Variants in GLTP observed in about 807,000 individuals in gnomAD.
The protein encoded by GLTP is glycolipid transfer protein.
A neutral mutation model predicts 24.0 loss-of-function variants in GLTP; 22 were observed. The observed-to-expected ratio is 0.92, with a 90% CI of 0.65 to 1.31. GLTP has a LOEUF of 1.31. Among genes scored for constraint, GLTP ranks in the 50% most tolerant of loss-of-function variants. The pLI, the probability that GLTP is intolerant of heterozygous loss-of-function variation, is 0.00. For missense variants in GLTP, 224 were observed against 276.6 expected (o/e 0.81, Z 1.35); for synonymous variants, 92 against 115.9 (o/e 0.79, Z 1.33).
intron 1 of GLTP, among the ~76,000 whole-genome samples, chr12:109,876,208 A>G (rs1868873961): frequency 6.6e-6 from 1 of 151,964 alleles, no homozygotes; most frequent in Non-Finnish European, 1.5e-5. Context: ...CTGGGCATAG[A>G]GTCATGTGCC....
chr12:109,854,993 C>G (rs1354750956), intron 4 of GLTP, among the ~76,000 whole-genome samples: 1 of 152,198 alleles, frequency 6.6e-6, no homozygotes, highest in Non-Finnish European at 1.5e-5. Flanking sequence ...ACAGGCCGGG[C>G]AGGAACACGT....
At chr12:109,871,170 G>A (rs1055048836) in intron 1 of GLTP, among the ~76,000 whole-genome samples, 7 of 139,264 alleles carry the variant, frequency 5.0e-5, no homozygotes, top group African/African-American at 1.1e-4. Context: ...TGTAACCTCC[G>A]CCTCCTGGGT....
At chr12:109,869,055 T>C (rs776389626) in intron 1 of GLTP, among the ~76,000 whole-genome samples, 1 of 152,144 alleles carries the variant, frequency 6.6e-6, no homozygotes, top group Non-Finnish European at 1.5e-5. Context: ...ATCCCAGCAC[T>C]TTGGGAGGCC....
intron 1 of GLTP, among the ~76,000 whole-genome samples, chr12:109,876,347 A>G (rs968636100): frequency 7.9e-5 from 12 of 152,082 alleles, no homozygotes; most frequent in Non-Finnish European, 1.2e-4. Flanking sequence ...CCATCTCTAC[A>G]AAAACAAAAA....
At chr12:109,869,309 AAAAAAAAAAAAG>A (rs1157243149) in intron 1 of GLTP, among the ~76,000 whole-genome samples, 1 of 147,786 alleles carries the variant, frequency 6.8e-6, no homozygotes, top group Non-Finnish European at 1.5e-5. Flanking sequence ...ACCTCAAAAA[AAAAAAAAAAAAG>A]AAAGAAAGAA....
rs34365376 is a variant in GLTP at position 109,851,850 on chromosome 12, CTTT to C, written c.*702_*704del. On this transcript the variant is annotated 3_prime_UTR_variant, in exon 5 of 5. Coordinates refer to ENST00000318348, the MANE Select transcript of GLTP (RefSeq NM_016433.4). ...CTGACCTCAAGTAATCCACCCACCT[CTTT>C]TTTTTTTTTTTGAGACAGAGTTTCG... 7.4e-5 allele frequency: 10 copies of C among 134,908 alleles called. No individual in the cohort carries two copies. The highest frequency in any genetic ancestry group is 9.5e-5 in the Non-Finnish European group (6 of 63,482). The allele number at this position is 134,908 out of a possible 1,614,324, so 8.4% of individuals were successfully genotyped here.
rs1892813909 is a variant in GLTP, at chr12:109,857,469, G to C, written c.296+57C>G. On this transcript the variant is annotated intron_variant, in intron 3 of 4. Transcript: ENST00000318348. The surrounding 1 kb of genome is among the most constrained non-coding windows in gnomAD (Gnocchi z 4.3). ...AGCTGACACTGCGGAACAGTGACAG[G>C]TTTGCTTTCCCTCCTCTGCAGCACA... The C allele has an allele frequency of 4.4e-6, 7 of 1,590,546 alleles. No homozygotes were observed. Among genetic ancestry groups the C allele is most frequent in the Non-Finnish European group, 6.0e-6 (7 of 1,163,670 alleles).
In GLTP at chr12:109,852,389, A is replaced by AAT; in HGVS notation, c.*165_*166insAT. On this transcript the variant is annotated 3_prime_UTR_variant, in exon 5 of 5. Coordinates refer to ENST00000318348, the MANE Select transcript of GLTP (RefSeq NM_016433.4). ...AGAATAGACCAAAAAAAAAAAAAAA[A>AAT]AAGACTTAAAAAACGAGGGCTGTCC... 2.9e-5 allele frequency: 16 copies of AAT among 549,108 alleles called. No individual in the cohort carries two copies. Among genetic ancestry groups the AAT allele is most frequent in the Middle Eastern group, 5.1e-4 (1 of 1,968 alleles). 34.0% of individuals were successfully genotyped at this position (549,108 alleles called of 1,614,324 possible). A position where few individuals can be genotyped will look rare whatever the true frequency, so the allele number is the denominator to read the frequency against.
At position 109,855,284 on chromosome 12, in the gene GLTP, A is replaced by G. The variant is rs1892779820; in HGVS notation, c.447+335T>C. 6.6e-6 allele frequency among the ~76,000 whole-genome samples: 1 copy of G among 152,194 alleles called. No individual in the cohort carries two copies. Among genetic ancestry groups the G allele is most frequent in the African/African-American group, 2.4e-5 (1 of 41,450 alleles). Reference sequence around the variant, plus strand: ...ATTGGAGGGGTAAATTTGAGGGGCCATCAGGCTGGGCCACTTTTGACCTGG... The same window carrying G: ...ATTGGAGGGGTAAATTTGAGGGGCCGTCAGGCTGGGCCACTTTTGACCTGG... On this transcript the variant is annotated intron_variant, in intron 4 of 4. Transcript: ENST00000318348. This position sits in a 1 kb window ranked among gnomAD's most constrained non-coding sequence, Gnocchi z 4.1.
chr12:109,880,133 A>C lies in GLTP; in HGVS notation c.103+139T>G, dbSNP rs1869024126. On this transcript the variant is annotated intron_variant, in intron 1 of 4. Transcript: ENST00000318348. The surrounding 1 kb of genome is among the most constrained non-coding windows in gnomAD (Gnocchi z 5.1). ...GAAAGGGAGAATTTAGGGTGAGTGGAGGGAAAGAGGATCTTGGGTGCCTGG... is the reference window on the plus strand; with the variant it reads ...GAAAGGGAGAATTTAGGGTGAGTGGCGGGAAAGAGGATCTTGGGTGCCTGG... 1 of 573,920 alleles carries C rather than the reference A, an allele frequency of 1.7e-6. No individual in the cohort carries two copies. 35.6% of individuals were successfully genotyped at this position (573,920 alleles called of 1,614,324 possible).
chr12:109,874,288 G>A (rs1479994127), intron 1 of GLTP, among the ~76,000 whole-genome samples: 1 of 152,160 alleles, frequency 6.6e-6, no homozygotes, highest in Admixed American at 6.6e-5. Flanking sequence ...TTCTTTGGCT[G>A]TAAAACAAGA....
In GLTP at chr12:109,857,898, C is replaced by T; in HGVS notation, c.163-239G>A. On this transcript the variant is annotated intron_variant, in intron 2 of 4. Transcript: ENST00000318348. This position sits in a 1 kb window ranked among gnomAD's most constrained non-coding sequence, Gnocchi z 4.3. ...CAAACCTGATGTTGCTGTCATTATC[C>T]CATTTTACAGGCAGAGACACTGAGG... is the stretch of plus-strand genomic sequence containing the variant. 1.8e-6 allele frequency: 1 copy of T among 544,340 alleles called. No homozygotes were observed. The highest frequency in any genetic ancestry group is 3.3e-6 in the Non-Finnish European group (1 of 301,822). 33.7% of individuals were successfully genotyped at this position (544,340 alleles called of 1,614,324 possible).
At chr12:109,872,399 G>A (rs1041612827) in intron 1 of GLTP, among the ~76,000 whole-genome samples, 6 of 152,168 alleles carry the variant, frequency 3.9e-5, no homozygotes, top group Admixed American at 6.5e-5. Flanking sequence ...GCCAGTCTCC[G>A]TGTTTCCTTC....
chr12:109,868,725 G>A (rs778890038), intron 1 of GLTP, among the ~76,000 whole-genome samples: 5 of 152,100 alleles, frequency 3.3e-5, no homozygotes, highest in Non-Finnish European at 7.4e-5. Context: ...TTTTTTCATA[G>A]CTGGATAATA....
intron 1 of GLTP, among the ~76,000 whole-genome samples, chr12:109,866,926 ATTT>A (rs34869730): frequency 6.5e-4 from 77 of 118,270 alleles, no homozygotes; most frequent in Non-Finnish European, 6.8e-4. Context: ...TGCTGGGCTA[ATTT>A]TTTTTTTTTT....
intron 1 of GLTP, among the ~76,000 whole-genome samples, chr12:109,860,836 C>T (rs1356224738): frequency 6.6e-6 from 1 of 152,198 alleles, no homozygotes; most frequent in Non-Finnish European, 1.5e-5. Context: ...TTTGTCACCC[C>T]CATGGCAGGC....
intron 1 of GLTP, among the ~76,000 whole-genome samples, chr12:109,865,994 A>C (rs1019164095): frequency 6.6e-6 from 1 of 152,310 alleles, no homozygotes; most frequent in Admixed American, 6.5e-5. Flanking sequence ...CCCACCACCA[A>C]CCAAAGCCAA....
At chr12:109,875,477 G>C (rs1398899683) in intron 1 of GLTP, among the ~76,000 whole-genome samples, 2 of 152,208 alleles carry the variant, frequency 1.3e-5, no homozygotes, top group Admixed American at 6.5e-5. Context: ...CTTCTAGACA[G>C]GGAATGTCAA....
rs1302535606 is a variant in GLTP, at chr12:109,857,767, C to T, written c.163-108G>A. The T allele has an allele frequency of 9.3e-7, 1 of 1,071,804 alleles. No homozygotes were observed. Among genetic ancestry groups the T allele is most frequent in the South Asian group, 1.3e-5 (1 of 78,540 alleles). The allele number at this position is 1,071,804 out of a possible 1,614,324, so 66.4% of individuals were successfully genotyped here. A position where few individuals can be genotyped will look rare whatever the true frequency, so the allele number is the denominator to read the frequency against. On this transcript the variant is annotated intron_variant, in intron 2 of 4. Transcript: ENST00000318348. This position sits in a 1 kb window ranked among gnomAD's most constrained non-coding sequence, Gnocchi z 4.3. ...ACCGGCATCTCCTGCTCCTTCCTGC[C>T]CTCCAGGAACAGCAGGGATAAGACT...
Sources: allele counts gnomAD v4.1 joint callset (sites outside exome capture counted in the v4.1 genomes callset), GRCh38; gene constraint gnomAD v4.1.1; non-coding constraint Gnocchi (gnomAD v3.1); transcripts MANE v1.5; gene names NCBI Gene and HGNC (gene_info 2026-07-23, HGNC 2026-07-21).